Variants in CDK6 observed in about 807,000 individuals in gnomAD.
CDK6 encodes cyclin dependent kinase 6.
In CDK6, 6 loss-of-function variants were observed where a neutral mutation model predicts 37.1. That is an observed-to-expected ratio of 0.16 (90% CI 0.09 to 0.32). CDK6 has a LOEUF of 0.32. CDK6 is among the 10% of genes least tolerant of loss of function. The pLI is 1.00. For missense variants in CDK6, 224 were observed against 418.9 expected, an observed-to-expected ratio of 0.53 and a Z score of 4.06; for synonymous variants, 160 against 161.3, an observed-to-expected ratio of 0.99 and a Z score of 0.06.
At chr7:92,772,807 A>T (rs989633326) in intron 3 of CDK6, among the ~76,000 whole-genome samples, 5 of 152,140 alleles carry the variant, frequency 3.3e-5, no homozygotes, top group Admixed American at 1.3e-4. Flanking sequence ...GCTTATCAAC[A>T]TTTTAACTGC....
At chr7:92,622,786 C>T (rs927184708) in intron 6 of CDK6, among the ~76,000 whole-genome samples, 10 of 151,512 alleles carry the variant, frequency 6.6e-5, no homozygotes, top group African/African-American at 2.2e-4. Flanking sequence ...CTCAGCCACA[C>T]GAAGAAAGAG....
intron 2 of CDK6, among the ~76,000 whole-genome samples, chr7:92,796,609 T>C (rs1022464998): frequency 6.6e-6 from 1 of 152,144 alleles, no homozygotes; most frequent in Non-Finnish European, 1.5e-5. Flanking sequence ...AAGAGTAGGA[T>C]ATTTTCCCCT....
chr7:92,674,770 A>G (rs1401704949), intron 4 of CDK6, among the ~76,000 whole-genome samples: 1 of 152,260 alleles, frequency 6.6e-6, no homozygotes, highest in Non-Finnish European at 1.5e-5. Flanking sequence ...GTCTAGCAAC[A>G]TAAAAAGAAA....
At chr7:92,651,310 T>C (rs1248343991) in intron 5 of CDK6, among the ~76,000 whole-genome samples, 2 of 152,218 alleles carry the variant, frequency 1.3e-5, no homozygotes, top group Non-Finnish European at 2.9e-5. Flanking sequence ...TGCTATGTAA[T>C]GTAACAAATT....
At chr7:92,767,663 C>A (rs2115752269) in intron 3 of CDK6, among the ~76,000 whole-genome samples, 1 of 152,128 alleles carries the variant, frequency 6.6e-6, no homozygotes, top group South Asian at 2.1e-4. Flanking sequence ...GATTTATCCC[C>A]CTGTCTACTC....
chr7:92,779,469 G>C (rs1562963062), intron 2 of CDK6, among the ~76,000 whole-genome samples: 1 of 152,154 alleles, frequency 6.6e-6, no homozygotes, highest in Non-Finnish European at 1.5e-5. Flanking sequence ...AATGGTATTA[G>C]GTAGAAGTGA....
At chr7:92,669,076 C>T (rs762328297) in intron 5 of CDK6, among the ~76,000 whole-genome samples, 46 of 152,344 alleles carry the variant, frequency 3.0e-4, no homozygotes, top group Non-Finnish European at 4.7e-4. Flanking sequence ...ATCAAAGGAA[C>T]CCTCCCCTGA....
At chr7:92,744,499 T>C (rs1289655959) in intron 3 of CDK6, among the ~76,000 whole-genome samples, 1 of 152,150 alleles carries the variant, frequency 6.6e-6, no homozygotes, top group Non-Finnish European at 1.5e-5. Context: ...GAGATTTGGG[T>C]GGGGACACAG....
At chr7:92,729,472 T>C (rs1171788749) in intron 3 of CDK6, among the ~76,000 whole-genome samples, 1 of 152,222 alleles carries the variant, frequency 6.6e-6, no homozygotes, top group East Asian at 1.9e-4. Context: ...TCACTCTATC[T>C]TTTTAAAACA....
In CDK6 at chr7:92,689,039, TA is replaced by T. The variant is rs557199716; in HGVS notation, c.538-17505del. On this transcript the variant is annotated intron_variant, in intron 4 of 7. Transcript: ENST00000424848. ...AGAAACTCTGAATTAGTGTAGGAAT[TA>T]TTTTTTTTAAGTCAACAAACATTTG... 5.4e-3 allele frequency among the ~76,000 whole-genome samples: 825 copies of T among 152,256 alleles called. 5 individuals carry two copies. The highest frequency in any genetic ancestry group is 0.014 in the Middle Eastern group (4 of 294).
intron 3 of CDK6, among the ~76,000 whole-genome samples, chr7:92,759,873 C>A (rs192337066): frequency 4.7e-4 from 72 of 152,122 alleles, no homozygotes; most frequent in African/African-American, 1.7e-3. Context: ...CATGCACATA[C>A]AATGAAGATT....
chr7:92,704,331 G>C (rs1295586457), intron 4 of CDK6, among the ~76,000 whole-genome samples: 1 of 152,058 alleles, frequency 6.6e-6, no homozygotes, highest in African/African-American at 2.4e-5. Context: ...TAAGAGTATG[G>C]ATCTAAATAA....
intron 5 of CDK6, among the ~76,000 whole-genome samples, chr7:92,657,268 T>G (rs1196077845): frequency 6.6e-6 from 1 of 152,154 alleles, no homozygotes; most frequent in African/African-American, 2.4e-5. Flanking sequence ...CAGGTAGACT[T>G]GAAACTACTA....
intron 4 of CDK6, among the ~76,000 whole-genome samples, chr7:92,681,520 C>G (rs1014200527): frequency 1.3e-5 from 2 of 152,192 alleles, no homozygotes; most frequent in African/African-American, 4.8e-5. Context: ...AGACAGCAAG[C>G]CTTTAGGTCA....
At chr7:92,656,774 T>C (rs1796709121) in intron 5 of CDK6, among the ~76,000 whole-genome samples, 1 of 152,174 alleles carries the variant, frequency 6.6e-6, no homozygotes, top group South Asian at 2.1e-4. Flanking sequence ...TGACTAAAGA[T>C]TAGACTGGTA....
At chr7:92,824,190 A>G (rs1319670587) in intron 2 of CDK6, among the ~76,000 whole-genome samples, 5 of 152,070 alleles carry the variant, frequency 3.3e-5, no homozygotes. Flanking sequence ...CTAAAAAAGA[A>G]CTGCTTCATT....
intron 2 of CDK6, among the ~76,000 whole-genome samples, chr7:92,813,892 A>AT (rs1312956994): frequency 1.3e-5 from 2 of 152,218 alleles, no homozygotes. Context: ...AGGAAAAAAA[A>AT]GTCTCATAGA....
intron 5 of CDK6, among the ~76,000 whole-genome samples, chr7:92,654,041 T>C (rs1166750159): frequency 1.3e-5 from 2 of 152,206 alleles, no homozygotes; most frequent in Non-Finnish European, 2.9e-5. Flanking sequence ...TTTATGTCAA[T>C]GGTTCCATTT....
intron 2 of CDK6, among the ~76,000 whole-genome samples, chr7:92,798,153 C>A (rs1372316291): frequency 6.6e-6 from 1 of 152,120 alleles, no homozygotes; most frequent in Non-Finnish European, 1.5e-5. Flanking sequence ...TTGTCCAATT[C>A]ATCTGATGTA....
Sources: allele counts gnomAD v4.1 joint callset (sites outside exome capture counted in the v4.1 genomes callset), GRCh38; gene constraint gnomAD v4.1.1; transcripts MANE v1.5; gene names NCBI Gene and HGNC (gene_info 2026-07-23, HGNC 2026-07-21).